Variants in TPP2 observed in about 807,000 individuals in gnomAD.
TPP2 encodes the protein tripeptidyl peptidase 2.
Under a neutral mutation model 155.9 loss-of-function variants are expected in TPP2, and 34 were observed. That is an observed-to-expected ratio of 0.22 (90% CI 0.17 to 0.29). The LOEUF (loss-of-function observed/expected upper bound fraction) is 0.29, where lower values mean the gene tolerates loss of function less well. Ranked by LOEUF, TPP2 falls within the 10% of genes least tolerant of loss-of-function variation. TPP2 has a pLI of 1.00. For synonymous variants in TPP2, 510 were observed against 529.4 expected (o/e 0.96, Z 0.50); for missense variants, 1,028 against 1,522.3 (o/e 0.68, Z 5.40).
At chr13:102,629,715 C>T in intron 9 of TPP2, 106 bp downstream of exon 9, 1 of 1,373,774 alleles carries the variant, frequency 7.3e-7, no homozygotes, top group Non-Finnish European at 9.5e-7. Flanking sequence ...ACACTGTACA[C>T]CTTAAGTGTG....
intron 7 of TPP2, among the ~76,000 whole-genome samples, chr13:102,627,518 C>T (rs111336054): frequency 5.0e-4 from 76 of 151,984 alleles, no homozygotes; most frequent in African/African-American, 1.7e-3. Context: ...GTCATTTTAA[C>T]GTAGGAAAGT....
At chr13:102,635,128 A>G (rs1434547588) in intron 11 of TPP2, among the ~76,000 whole-genome samples, 1 of 151,950 alleles carries the variant, frequency 6.6e-6, no homozygotes, top group Non-Finnish European at 1.5e-5. Flanking sequence ...ATAAATAACA[A>G]TCTCTGGGAC....
chr13:102,627,269 T>C, intron 7 of TPP2, 103 bp downstream of exon 7: 2 of 1,118,562 alleles, frequency 1.8e-6, no homozygotes, highest in Non-Finnish European at 2.4e-6. Flanking sequence ...CATTGAACTA[T>C]ATATAGTGTA....
In TPP2 at chr13:102,678,531, CA is replaced by C. The variant is rs1595234841; in HGVS notation, c.*216del. 3 of 445,058 alleles carry C rather than the reference CA, an allele frequency of 6.7e-6. No homozygotes were observed. The East Asian group carries it at 1.1e-4, about 17-fold the overall frequency. 27.6% of individuals were successfully genotyped at this position (445,058 alleles called of 1,614,324 possible). On this transcript the variant is annotated 3_prime_UTR_variant, in exon 30 of 30. Transcript: ENST00000376052. ...ATCATGGTGTTTTCTTAATGCCTCACATTGCTGGCACGGGGATGTGCCCTGC... is the reference window on the plus strand; with the variant it reads ...ATCATGGTGTTTTCTTAATGCCTCACTTGCTGGCACGGGGATGTGCCCTGC...
At chr13:102,639,361 T>C (rs944687483) in intron 15 of TPP2, among the ~76,000 whole-genome samples, 1 of 152,124 alleles carries the variant, frequency 6.6e-6, no homozygotes, top group African/African-American at 2.4e-5. Context: ...AAACACAGGA[T>C]GAAATTGAGG....
Position 102,660,090 on chromosome 13 carries a change from A to G in TPP2, c.3143+2883A>G, listed in dbSNP as rs571013533. On this transcript the variant is annotated intron_variant, in intron 25 of 29. Transcript: ENST00000376052. ...GAGAGGGGAATAGAGCTATAAAGGG[A>G]TAACATTTCTGTATCTCACTGAAAT... Among the ~76,000 whole-genome samples, 13 of 152,240 alleles carry G rather than the reference A, an allele frequency of 8.5e-5. No homozygotes were observed. In the East Asian group the frequency reaches 2.5e-3, roughly 29 times the overall value.
intron 24 of TPP2, among the ~76,000 whole-genome samples, chr13:102,656,783 G>A (rs1375401871): frequency 2.0e-5 from 3 of 152,126 alleles, no homozygotes; most frequent in African/African-American, 4.8e-5. Context: ...GTAAAGCCAA[G>A]AATACCAAAT....
intron 2 of TPP2, among the ~76,000 whole-genome samples, chr13:102,606,895 A>G (rs1231350189): frequency 6.6e-6 from 1 of 152,178 alleles, no homozygotes; most frequent in Non-Finnish European, 1.5e-5. Context: ...TCATACATTG[A>G]AGCCCTATCC....
Position 102,647,215 on chromosome 13 carries a change from T to G in TPP2, c.2499T>G (p.Ser833Arg). ...VLTYNFHQPKSGEVTPSCPLL... is the reference protein window; with the variant it reads ...VLTYNFHQPKRGEVTPSCPLL... Reference sequence around the variant, plus strand: ...TTTTTGTTTTTTAATAGCCCAAGAGTGGGGAAGTAACTCCAAGCTGCCCAC... The same window carrying G: ...TTTTTGTTTTTTAATAGCCCAAGAGGGGGGAAGTAACTCCAAGCTGCCCAC... The change falls in exon 21 of 30, where the codon AGT becomes AGG. Residue 833 changes from serine to arginine, a missense_variant. Physicochemically the swap from Ser to Arg is moderately radical, Grantham distance 110 (BLOSUM62 -1). Coordinates refer to ENST00000376052, the MANE Select transcript of TPP2 (RefSeq NM_001330588.2). The G allele has an allele frequency of 6.2e-7, 1 of 1,611,270 alleles. No individual in the cohort carries two copies. Among genetic ancestry groups the G allele is most frequent in the Non-Finnish European group, 8.5e-7 (1 of 1,178,928 alleles).
intron 22 of TPP2, 117 bp downstream of exon 22, chr13:102,649,268 A>G: frequency 1.4e-6 from 2 of 1,435,860 alleles, no homozygotes; most frequent in African/African-American, 3.7e-5. Flanking sequence ...TTTTGGCTGA[A>G]GTATTTCTTC....
chr13:102,653,494 G>A (rs1007665534), intron 24 of TPP2, among the ~76,000 whole-genome samples: 2 of 152,148 alleles, frequency 1.3e-5, no homozygotes, highest in African/African-American at 2.4e-5. Flanking sequence ...CTGGGCTCAA[G>A]TGATCCTCCC....
At chr13:102,607,005 T>G (rs1408849505) in intron 2 of TPP2, among the ~76,000 whole-genome samples, 1 of 152,112 alleles carries the variant, frequency 6.6e-6, no homozygotes, top group Non-Finnish European at 1.5e-5. Context: ...AGTACCCTTA[T>G]AAGAAGAGAC....
Position 102,679,813 on chromosome 13 carries a change from T to A in TPP2, c.*1497T>A, listed in dbSNP as rs1885515782. 1 of 152,370 alleles carries A rather than the reference T, an allele frequency of 6.6e-6. No homozygotes were observed. Among genetic ancestry groups the A allele is most frequent in the South Asian group, 2.1e-4 (1 of 4,830 alleles). The allele number at this position is 152,370 out of a possible 1,614,324, so 9.4% of individuals were successfully genotyped here. A position where few individuals can be genotyped will look rare whatever the true frequency, so the allele number is the denominator to read the frequency against. On this transcript the variant is annotated 3_prime_UTR_variant, in exon 30 of 30. Transcript: ENST00000376052. ...CAAGGTTATACGGCTGATCAACTGT[T>A]GGAAATTAATTACAGACCTTGCTTT...
At chr13:102,604,701 G>A in intron 1 of TPP2, 92 bp from the exon 2 acceptor site, 3 of 1,364,862 alleles carry the variant, frequency 2.2e-6, no homozygotes, top group Non-Finnish European at 3.0e-6. Flanking sequence ...TGTAGATTTT[G>A]TATATACACA....
intron 4 of TPP2, among the ~76,000 whole-genome samples, chr13:102,616,910 T>C (rs1451135228): frequency 7.0e-6 from 1 of 143,170 alleles, no homozygotes; most frequent in African/African-American, 2.8e-5. Flanking sequence ...TTTTGTTTTT[T>C]GTTTTTTGTT....
chr13:102,633,121 C>T (rs1595167435), intron 10 of TPP2, among the ~76,000 whole-genome samples: 1 of 152,308 alleles, frequency 6.6e-6, no homozygotes, highest in Non-Finnish European at 1.5e-5. Flanking sequence ...GCCACTTAGC[C>T]AGGGAGGCGG....
Position 102,643,217 on chromosome 13 carries a change from T to C in TPP2, c.2021-5T>C. The C allele has an allele frequency of 6.3e-7, 1 of 1,583,306 alleles. No individual in the cohort carries two copies. The highest frequency in any genetic ancestry group is 8.5e-7 in the Non-Finnish European group (1 of 1,170,646). On this transcript the variant is annotated splice_polypyrimidine_tract_variant and splice_region_variant and intron_variant, in intron 16 of 29. Coordinates refer to ENST00000376052, the MANE Select transcript of TPP2 (RefSeq NM_001330588.2). ...AAAGCTTTGCTTCTTTCTTTCTTAT[T>C]TTAGAAGTGACAGTGTGTTCGTGTT...
At chr13:102,655,998 T>C (rs1405269342) in intron 24 of TPP2, among the ~76,000 whole-genome samples, 1 of 152,224 alleles carries the variant, frequency 6.6e-6, no homozygotes, top group Non-Finnish European at 1.5e-5. Flanking sequence ...ACATTGGTTC[T>C]ACCTTTAAAG....
At position 102,679,819 on chromosome 13, in the gene TPP2, T is replaced by G. The variant is rs1885515974; in HGVS notation, c.*1503T>G. 1.3e-5 allele frequency: 2 copies of G among 152,220 alleles called. No individual in the cohort carries two copies. Among genetic ancestry groups the G allele is most frequent in the South Asian group, 4.1e-4 (2 of 4,836 alleles). The allele number at this position is 152,220 out of a possible 1,614,324, so 9.4% of individuals were successfully genotyped here. ...TATACGGCTGATCAACTGTTGGAAATTAATTACAGACCTTGCTTTACAACC... is the reference window on the plus strand; with the variant it reads ...TATACGGCTGATCAACTGTTGGAAAGTAATTACAGACCTTGCTTTACAACC... On this transcript the variant is annotated 3_prime_UTR_variant, in exon 30 of 30. Coordinates refer to ENST00000376052, the MANE Select transcript of TPP2 (RefSeq NM_001330588.2).
Sources: gnomAD v4.1 joint callset for allele counts (sites outside exome capture counted in the v4.1 genomes callset) on GRCh38, gnomAD v4.1.1 for gene constraint, MANE v1.5 for transcripts, NCBI Gene and HGNC (gene_info 2026-07-23, HGNC 2026-07-21) for gene names.